Variants in LAMP3 observed in about 807,000 individuals in gnomAD.
The protein encoded by LAMP3 is lysosome-associated membrane glycoprotein 3.
A neutral mutation model predicts 34.8 loss-of-function variants in LAMP3; 26 were observed. That is an observed-to-expected ratio of 0.75 (90% CI 0.55 to 1.04). LAMP3 has a LOEUF of 1.04. LAMP3 is among the 50% of genes least tolerant of loss of function. The probability of loss-of-function intolerance (pLI) is 0.00; values close to 1 mark genes in which losing one functional copy is unlikely to be tolerated. For missense variants in LAMP3, 495 were observed against 524.0 expected, an observed-to-expected ratio of 0.94 and a Z score of 0.54; for synonymous variants, 180 against 201.9, an observed-to-expected ratio of 0.89 and a Z score of 0.92.
chr3:183,153,376 G>A (rs1037953680), intron 2 of LAMP3, among the ~76,000 whole-genome samples: 2 of 152,076 alleles, frequency 1.3e-5, no homozygotes, highest in Admixed American at 6.5e-5. Context: ...CTTCTGGAGT[G>A]GGAGGGAGGG....
intron 3 of LAMP3, among the ~76,000 whole-genome samples, chr3:183,150,283 C>A (rs1293288031): frequency 2.6e-5 from 4 of 152,130 alleles, no homozygotes; most frequent in Non-Finnish European, 5.9e-5. Flanking sequence ...TGGTCAGAAT[C>A]CAGCCCGAAG....
intron 5 of LAMP3, among the ~76,000 whole-genome samples, chr3:183,125,813 G>A (rs956695046): frequency 6.6e-6 from 1 of 152,050 alleles, no homozygotes; most frequent in African/African-American, 2.4e-5. Context: ...ATCCTCTTGG[G>A]ACTAGGGGTG....
intron 4 of LAMP3, among the ~76,000 whole-genome samples, chr3:183,136,400 C>T (rs762227539): frequency 2.6e-5 from 4 of 152,086 alleles, no homozygotes; most frequent in Non-Finnish European, 5.9e-5. Flanking sequence ...GCCTGTAATC[C>T]CAGCACTTTG....
chr3:183,150,764 A>G (rs1720606756), intron 3 of LAMP3, among the ~76,000 whole-genome samples: 2 of 151,818 alleles, frequency 1.3e-5, no homozygotes, highest in East Asian at 1.9e-4. Flanking sequence ...GTCTTGCTAT[A>G]TATTTCCCAG....
At chr3:183,135,575 C>A (rs919271232) in intron 5 of LAMP3, 142 bp downstream of exon 5, 3 of 797,638 alleles carry the variant, frequency 3.8e-6, no homozygotes, top group Non-Finnish European at 6.1e-6. Context: ...AGGAGCCTGG[C>A]CCTGTGAGCT....
chr3:183,127,587 G>T (rs997846997), intron 5 of LAMP3, among the ~76,000 whole-genome samples: 2 of 151,558 alleles, frequency 1.3e-5, no homozygotes, highest in African/African-American at 4.9e-5. Flanking sequence ...CCTTATCACT[G>T]ATTTTTGTAC....
chr3:183,162,583 C>T, intron 1 of LAMP3, 24 bp downstream of exon 1: 1 of 1,547,342 alleles, frequency 6.5e-7, no homozygotes, highest in Non-Finnish European at 8.7e-7. Context: ...AGGGCCACCG[C>T]GGGAAGCGCT....
intron 5 of LAMP3, chr3:183,132,584 T>C: frequency 1.0e-6 from 1 of 985,354 alleles, no homozygotes; most frequent in African/African-American, 1.7e-5. Flanking sequence ...TATATTCAGG[T>C]ATGGCAGAGG....
chr3:183,158,917 G>C (rs1286831271), intron 1 of LAMP3, among the ~76,000 whole-genome samples: 7 of 144,830 alleles, frequency 4.8e-5, no homozygotes, highest in Non-Finnish European at 1.1e-4. Flanking sequence ...TTTTCTCCTT[G>C]AGACAGGGTC....
intron 4 of LAMP3, among the ~76,000 whole-genome samples, chr3:183,139,545 A>G (rs1242188091): frequency 6.6e-6 from 1 of 152,174 alleles, no homozygotes; most frequent in East Asian, 1.9e-4. Context: ...CTGCATATAC[A>G]TATATACCTG....
At chr3:183,144,678 T>C (rs1389577677) in intron 3 of LAMP3, among the ~76,000 whole-genome samples, 2 of 152,000 alleles carry the variant, frequency 1.3e-5, no homozygotes, top group African/African-American at 4.8e-5. Flanking sequence ...CCAAGAGGGT[T>C]CCAAATGCCC....
chr3:183,152,460 G>A lies in LAMP3; in HGVS notation c.803C>T (p.Thr268Met), dbSNP rs151059567. Residue 268 changes from threonine (T) to methionine (M), a missense_variant, in exon 3 of 6, where the codon ACG becomes ATG. Transcript: ENST00000265598. ...GGTGCCACAGTTCCCAGAGGCTTGC[G>A]TTGCGTTGGGGTCGATGTTGAAGTA... ...RRYFNIDPNA[T>M]QASGNCGTRK... The A allele has an allele frequency of 6.1e-5, 98 of 1,612,992 alleles. No individual in the cohort carries two copies. The African/African-American group carries it at 8.4e-4, about 14-fold the overall frequency.
chr3:183,143,451 G>C (rs540486133), intron 3 of LAMP3, among the ~76,000 whole-genome samples: 1 of 152,252 alleles, frequency 6.6e-6, no homozygotes, highest in East Asian at 1.9e-4. Flanking sequence ...TTAGAGTAAA[G>C]GAAAAGTATC....
upstream of LAMP3, among the ~76,000 whole-genome samples, chr3:183,163,334 C>G (rs1455571810): frequency 6.7e-6 from 1 of 149,326 alleles, no homozygotes; most frequent in African/African-American, 2.5e-5. Flanking sequence ...GACAAAGTCT[C>G]GCTCTGTCGC....
At position 183,153,874 on chromosome 3, in the gene LAMP3, G is replaced by C; in HGVS notation, c.567C>G (p.Thr189=). 6.2e-7 allele frequency: 1 copy of C among 1,613,850 alleles called. No individual in the cohort carries two copies. The highest frequency in any genetic ancestry group is 8.5e-7 in the Non-Finnish European group (1 of 1,179,786). Reference sequence around the variant, plus strand: ...CAGCTGCCGTTGTTCCTGGGGCATGGGTGGGTTGAACAGGCTTCTGACCGG... The same window carrying C: ...CAGCTGCCGTTGTTCCTGGGGCATGCGTGGGTTGAACAGGCTTCTGACCGG... The part of the protein sequence containing the change: ...STTGQKPVQP[T]HAPGTTAAAH... The change falls in exon 2 of 6, where the codon ACC becomes ACG. Residue 189 remains threonine (T), a synonymous_variant. Coordinates refer to ENST00000265598, the MANE Select transcript of LAMP3 (RefSeq NM_014398.4).
chr3:183,147,504 T>C (rs1434583468), intron 3 of LAMP3, among the ~76,000 whole-genome samples: 1 of 152,166 alleles, frequency 6.6e-6, no homozygotes, highest in Non-Finnish European at 1.5e-5. Flanking sequence ...TCTTATTAGA[T>C]TGAATGGGAA....
At chr3:183,137,007 A>AAAAT (rs1266684624) in intron 4 of LAMP3, among the ~76,000 whole-genome samples, 8 of 150,246 alleles carry the variant, frequency 5.3e-5, no homozygotes, top group South Asian at 2.1e-4. Context: ...GAATGTCTCT[A>AAAAT]AAATAAATAA....
chr3:183,154,478 T>C (rs1305532567), intron 1 of LAMP3, 87 bp from the exon 2 acceptor site: 7 of 1,009,956 alleles, frequency 6.9e-6, no homozygotes, highest in Non-Finnish European at 1.0e-5. Context: ...TGTCTGTTCA[T>C]AAAAAAACCT....
intron 1 of LAMP3, chr3:183,161,990 G>A (rs1720989019): frequency 1.0e-6 from 1 of 985,090 alleles, no homozygotes; most frequent in Non-Finnish European, 1.2e-6. Context: ...GAGCATGTTA[G>A]CCGGGCGGTA....
Sources: gnomAD v4.1 joint callset for allele counts (sites outside exome capture counted in the v4.1 genomes callset) on GRCh38, gnomAD v4.1.1 for gene constraint, MANE v1.5 for transcripts, NCBI Gene and HGNC (gene_info 2026-07-23, HGNC 2026-07-21) for gene names.